The following IFT25 variants were observed in gnomAD, a reference collection of about 807,000 sequenced individuals.
IFT25 encodes intraflagellar transport protein 25 homolog.
chr1:53,937,453 A>G, the IFT25 span, among the ~76,000 whole-genome samples: 1 of 152,252 alleles, frequency 6.6e-6, no homozygotes, highest in South Asian at 2.1e-4. Context: ...TATACAGTCT[A>G]ATTATATTTT....
the IFT25 span, chr1:53,923,436 T>C: frequency 2.6e-5 from 4 of 154,560 alleles, no homozygotes; most frequent in Admixed American, 6.5e-5. Flanking sequence ...CAATGGAATG[T>C]TGTCGAAAAA....
chr1:53,911,838 A>C, the IFT25 span, among the ~76,000 whole-genome samples: 1 of 152,184 alleles, frequency 6.6e-6, no homozygotes, highest in East Asian at 1.9e-4. Flanking sequence ...TGCCTAGTCC[A>C]TAGATTCATG....
At chr1:53,922,958 C>G in the IFT25 span, among the ~76,000 whole-genome samples, 79 of 152,194 alleles carry the variant, frequency 5.2e-4, no homozygotes, top group African/African-American at 1.6e-3. Flanking sequence ...TCCAAATTTT[C>G]TATAATGCTG....
chr1:53,943,099 C>T, the IFT25 span, among the ~76,000 whole-genome samples: 3 of 151,980 alleles, frequency 2.0e-5, no homozygotes, highest in African/African-American at 2.4e-5. Context: ...CCTCCTGGGG[C>T]GTGAACTGGA....
the IFT25 span, among the ~76,000 whole-genome samples, chr1:53,939,426 A>G: frequency 6.6e-6 from 1 of 151,388 alleles, no homozygotes; most frequent in East Asian, 1.9e-4. Flanking sequence ...TCCCATTCCC[A>G]TTAACTGCTT....
the IFT25 span, among the ~76,000 whole-genome samples, chr1:53,941,238 C>A: frequency 6.6e-6 from 1 of 152,000 alleles, no homozygotes; most frequent in African/African-American, 2.4e-5. Context: ...TGTGATCCAC[C>A]CACCTCAGCC....
At chr1:53,919,544 C>A in the IFT25 span, among the ~76,000 whole-genome samples, 6 of 152,172 alleles carry the variant, frequency 3.9e-5, no homozygotes, top group African/African-American at 1.2e-4. Flanking sequence ...AAAGCAAGCA[C>A]AAGCCAGAAA....
chr1:53,936,853 A>G, the IFT25 span, among the ~76,000 whole-genome samples: 1 of 152,018 alleles, frequency 6.6e-6, no homozygotes, highest in Admixed American at 6.6e-5. Flanking sequence ...GAGGAAAAGT[A>G]GAAGTATAAT....
the IFT25 span, among the ~76,000 whole-genome samples, chr1:53,922,285 T>G: frequency 1.3e-5 from 2 of 151,956 alleles, no homozygotes; most frequent in African/African-American, 4.8e-5. Context: ...TCCCAGCTAC[T>G]TGAGAGGCTG....
chr1:53,916,619 C>T, the IFT25 span: 2 of 265,270 alleles, frequency 7.5e-6, no homozygotes, highest in Non-Finnish European at 1.4e-5. Context: ...TGCTATAATT[C>T]ACATTCCTTC....
At chr1:53,944,760 T>G in the IFT25 span, among the ~76,000 whole-genome samples, 1 of 152,260 alleles carries the variant, frequency 6.6e-6, no homozygotes, top group East Asian at 1.9e-4. Flanking sequence ...TGCTATCCTT[T>G]CCATTTTTTA....
chr1:53,917,101 G>A, the IFT25 span: 84 of 183,666 alleles, frequency 4.6e-4, no homozygotes, highest in African/African-American at 1.6e-3. Flanking sequence ...CCAAGATAGC[G>A]CCATCCCACT....
the IFT25 span, among the ~76,000 whole-genome samples, chr1:53,915,861 A>G: frequency 6.6e-6 from 1 of 152,192 alleles, no homozygotes; most frequent in Non-Finnish European, 1.5e-5. Context: ...AAAGGGAAAG[A>G]GGATGCCAGT....
At chr1:53,932,333 CAA>C in the IFT25 span, among the ~76,000 whole-genome samples, 19 of 130,962 alleles carry the variant, frequency 1.5e-4, no homozygotes, top group Admixed American at 2.4e-4. Flanking sequence ...AACTCCATCT[CAA>C]AAAAAAAAAA....
the IFT25 span, among the ~76,000 whole-genome samples, chr1:53,939,074 CAA>C: frequency 0.014 from 307 of 22,492 alleles, no homozygotes; most frequent in African/African-American, 0.044. Context: ...AACTCCGTCT[CAA>C]AAAAAAAAAA....
At chr1:53,942,951 C>T in the IFT25 span, among the ~76,000 whole-genome samples, 3 of 151,832 alleles carry the variant, frequency 2.0e-5, no homozygotes, top group South Asian at 6.2e-4. Context: ...TGATATTGTT[C>T]GGAGGAGAGT....
chr1:53,942,272 T>C, the IFT25 span, among the ~76,000 whole-genome samples: 1 of 152,242 alleles, frequency 6.6e-6, no homozygotes, highest in Non-Finnish European at 1.5e-5. Flanking sequence ...AATCAGGGGT[T>C]AGCAAACTAC....
chr1:53,938,367 A>G, the IFT25 span, among the ~76,000 whole-genome samples: 1 of 152,230 alleles, frequency 6.6e-6, no homozygotes, highest in African/African-American at 2.4e-5. Context: ...AACAAACATT[A>G]AAAATAAACA....
At chr1:53,925,426 T>C in the IFT25 span, among the ~76,000 whole-genome samples, 18 of 151,916 alleles carry the variant, frequency 1.2e-4, 1 homozygote, top group South Asian at 4.2e-4. Flanking sequence ...TTTGGGAGGC[T>C]GAGGCGGGCA....
Sources: gnomAD v4.1 joint callset for allele counts (sites outside exome capture counted in the v4.1 genomes callset) on GRCh38, gnomAD v4.1.1 for gene constraint, MANE v1.5 for transcripts, NCBI Gene and HGNC (gene_info 2026-07-23, HGNC 2026-07-21) for gene names.